ANKRD13B: variants seen among roughly 807,000 people sequenced by gnomAD.
ANKRD13B encodes the protein ankyrin repeat domain 13B.
In ANKRD13B, 33 loss-of-function variants were observed where a neutral mutation model predicts 74.4. That is an observed-to-expected ratio of 0.44 (90% confidence interval 0.34 to 0.59). The LOEUF (loss-of-function observed/expected upper bound fraction) is 0.59. Among genes scored for constraint, ANKRD13B ranks in the 20% least tolerant of loss-of-function variants. The pLI is 0.02. For synonymous variants in ANKRD13B, 341 were observed against 362.9 expected (o/e 0.94, Z 0.68); for missense variants, 676 against 877.9 (o/e 0.77, Z 2.91).
Position 29,607,788 on chromosome 17 carries a change from T to A in ANKRD13B, c.161T>A (p.Leu54Gln). ...LDPRGRTPLH[L>Q]ATTLGHLECA... is the part of the protein sequence containing the mutation. ...CCCCGCGGCCGGACTCCCCTGCACC[T>A]GGCCACCACGCTGGGGCACCTTGAG... Residue 54 changes from leucine to glutamine, a missense_variant, in exon 2 of 15, where the codon CTG (leucine) becomes CAG (glutamine). Physicochemically the swap from Leu to Gln is moderately radical, Grantham distance 113. This residue lies in a region of ANKRD13B where 88 missense variants were observed against 87.8 expected (regional missense o/e 1.00). Transcript: ENST00000394859. The A allele has an allele frequency of 6.2e-7, 1 of 1,603,144 alleles. No individual in the cohort carries two copies. The highest frequency in any genetic ancestry group is 8.5e-7 in the Non-Finnish European group (1 of 1,179,812).
chr17:29,601,891 G>T (rs939599764), intron 1 of ANKRD13B, among the ~76,000 whole-genome samples: 1 of 152,066 alleles, frequency 6.6e-6, no homozygotes, highest in Non-Finnish European at 1.5e-5. Flanking sequence ...AGTATTTCCT[G>T]TATCTGTTCT....
intron 1 of ANKRD13B, among the ~76,000 whole-genome samples, chr17:29,597,391 C>T (rs1030132713): frequency 2.6e-5 from 4 of 152,094 alleles, no homozygotes; most frequent in Admixed American, 2.6e-4. Flanking sequence ...TACCTATGAG[C>T]GTACGAGTGT....
At position 29,608,631 on chromosome 17, in the gene ANKRD13B, C is replaced by T. The variant is rs1347039852; in HGVS notation, c.422-220C>T. 1 of 613,648 alleles carries T rather than the reference C, an allele frequency of 1.6e-6. No individual in the cohort carries two copies. The highest frequency in any genetic ancestry group is 2.8e-5 in the East Asian group (1 of 35,738). 38.0% of individuals were successfully genotyped at this position (613,648 alleles called of 1,614,324 possible). On this transcript the variant is annotated intron_variant, in intron 4 of 14. Coordinates refer to ENST00000394859, the MANE Select transcript of ANKRD13B (RefSeq NM_152345.5). The surrounding 1 kb of genome is among the most constrained non-coding windows in gnomAD (Gnocchi z 6.4). ...ATTAACAAATGATGGACACTAGGGA[C>T]TTAGTGGTGACAGAAACATGCCCGT...
At chr17:29,600,617 G>A (rs777665761) in intron 1 of ANKRD13B, among the ~76,000 whole-genome samples, 11 of 152,216 alleles carry the variant, frequency 7.2e-5, no homozygotes, top group Non-Finnish European at 1.2e-4. Flanking sequence ...TAATGAGGCT[G>A]GGAAGGGGAC....
At chr17:29,595,605 G>A (rs1310994572) in intron 1 of ANKRD13B, among the ~76,000 whole-genome samples, 1 of 152,130 alleles carries the variant, frequency 6.6e-6, no homozygotes, top group Admixed American at 6.5e-5. Context: ...TAGAGGTGTT[G>A]GGGGCTGCTC....
intron 8 of ANKRD13B, 32 bp downstream of exon 8, chr17:29,610,798 T>C: frequency 1.2e-6 from 2 of 1,607,394 alleles, no homozygotes; most frequent in Non-Finnish European, 1.7e-6. Context: ...GGGAGAGGTG[T>C]TGCAGGACTG....
Position 29,607,724 on chromosome 17 carries a change from C to T in ANKRD13B, c.115-18C>T. On this transcript the variant is annotated intron_variant, in intron 1 of 14. Transcript: ENST00000394859. Reference sequence around the variant, plus strand: ...GACGTGACTGGGGCTTTATCTTCCACTCCTCCTCCTCCTCCAGGTGGACAT... The same window carrying T: ...GACGTGACTGGGGCTTTATCTTCCATTCCTCCTCCTCCTCCAGGTGGACAT... The T allele has an allele frequency of 6.4e-7, 1 of 1,569,166 alleles. No homozygotes were observed. The highest frequency in any genetic ancestry group is 8.6e-7 in the Non-Finnish European group (1 of 1,163,570).
intron 1 of ANKRD13B, among the ~76,000 whole-genome samples, chr17:29,606,601 A>G (rs1361659828): frequency 3.3e-5 from 5 of 151,776 alleles, no homozygotes; most frequent in Non-Finnish European, 7.4e-5. Flanking sequence ...TACGTTTAAC[A>G]AACATGCTTT....
rs762923291 is a variant in ANKRD13B at position 29,608,091 on chromosome 17, T to C, written c.356T>C (p.Leu119Pro). Reference sequence around the variant, plus strand: ...AAGCGGCTGGCGGGCATCCCCGTGCTCCTGGAGAAGCTGCGCAAGGTGAGG... The same window carrying C: ...AAGCGGCTGGCGGGCATCCCCGTGCCCCTGGAGAAGCTGCGCAAGGTGAGG... The part of the protein sequence containing the change: ...VVKRLAGIPV[L>P]LEKLRKAQDF... Residue 119 changes from leucine to proline, a missense_variant, in exon 3 of 15, where the codon CTC (leucine) becomes CCC (proline). By Grantham distance (98) the Leu-to-Pro change is moderately conservative (BLOSUM62 -3). This residue lies in a region of ANKRD13B where 328 missense variants were observed against 518.4 expected (regional missense o/e 0.63). Coordinates refer to ENST00000394859, the MANE Select transcript of ANKRD13B (RefSeq NM_152345.5). This position sits in a 1 kb window ranked among gnomAD's most constrained non-coding sequence, Gnocchi z 6.4. 6.2e-7 allele frequency: 1 copy of C among 1,613,046 alleles called. No individual in the cohort carries two copies. The highest frequency in any genetic ancestry group is 8.5e-7 in the Non-Finnish European group (1 of 1,179,646).
At chr17:29,595,090 T>C (rs1406781278) in intron 1 of ANKRD13B, among the ~76,000 whole-genome samples, 1 of 152,122 alleles carries the variant, frequency 6.6e-6, no homozygotes, top group African/African-American at 2.4e-5. Flanking sequence ...CAGACTGAAC[T>C]CCTCAGACCC....
chr17:29,614,222 TC>T lies in ANKRD13B; in HGVS notation c.*645del, dbSNP rs1325955962. ...TGGGCAGCCAGAAGTTGGAGTCCCATCCCCCAAGGCACATTTTTTTTTTTTT... is the reference window on the plus strand; with the variant it reads ...TGGGCAGCCAGAAGTTGGAGTCCCATCCCCAAGGCACATTTTTTTTTTTTT... On this transcript the variant is annotated 3_prime_UTR_variant, in exon 15 of 15. Coordinates refer to ENST00000394859, the MANE Select transcript of ANKRD13B (RefSeq NM_152345.5). The T allele has an allele frequency of 1.4e-5, 2 of 144,586 alleles. No individual in the cohort carries two copies. Among genetic ancestry groups the T allele is most frequent in the Admixed American group, 7.0e-5 (1 of 14,384 alleles). The allele number at this position is 144,586 out of a possible 1,614,324, so 9.0% of individuals were successfully genotyped here.
rs1341145085 is a variant in ANKRD13B, at chr17:29,612,092, C to T, written c.1101-24C>T. On this transcript the variant is annotated intron_variant, in intron 10 of 14. Coordinates refer to ENST00000394859, the MANE Select transcript of ANKRD13B (RefSeq NM_152345.5). The surrounding 1 kb of genome is among the most constrained non-coding windows in gnomAD (Gnocchi z 6.1). ...CCATGGCTTCCTGCAGTGTCCCTTA[C>T]CCCTTGGGATCTGGTGGGGGCAGGT... is the stretch of plus-strand genomic sequence containing the variant. 2.5e-6 allele frequency: 4 copies of T among 1,612,602 alleles called. No individual in the cohort carries two copies. The highest frequency in any genetic ancestry group is 2.2e-5 in the South Asian group (2 of 91,028).
intron 1 of ANKRD13B, among the ~76,000 whole-genome samples, chr17:29,606,766 T>C (rs1445595629): frequency 6.9e-6 from 1 of 144,080 alleles, no homozygotes; most frequent in South Asian, 2.2e-4. Context: ...AAAAATCTTT[T>C]GTCTGGGCAC....
In ANKRD13B at chr17:29,606,430, C is replaced by T. The variant is rs78918512; in HGVS notation, c.115-1312C>T. On this transcript the variant is annotated intron_variant, in intron 1 of 14. Transcript: ENST00000394859. Reference sequence around the variant, plus strand: ...AAAATTAGCCTGGCATAGTGGTGCTCGCCTGTAATCCCAGCTACTCAGAAG... The same window carrying T: ...AAAATTAGCCTGGCATAGTGGTGCTTGCCTGTAATCCCAGCTACTCAGAAG... 1.2e-4 allele frequency among the ~76,000 whole-genome samples: 18 copies of T among 151,542 alleles called. No individual in the cohort carries two copies. In the East Asian group the frequency reaches 2.8e-3, roughly 23 times the overall value.
chr17:29,599,897 T>G (rs1050185526), intron 1 of ANKRD13B, among the ~76,000 whole-genome samples: 4 of 126,606 alleles, frequency 3.2e-5, no homozygotes, highest in East Asian at 2.3e-4. Context: ...TTTTTTTTGA[T>G]ACGGAGTCTC....
In ANKRD13B at chr17:29,611,761, C is replaced by A; in HGVS notation, c.970-115C>A. ...GACCTCCTTTCCACAATGCCCAAGGCCATGTCAGCGCCACACTGGCAGAGG... is the reference window on the plus strand; with the variant it reads ...GACCTCCTTTCCACAATGCCCAAGGACATGTCAGCGCCACACTGGCAGAGG... On this transcript the variant is annotated intron_variant, in intron 9 of 14. Coordinates refer to ENST00000394859, the MANE Select transcript of ANKRD13B (RefSeq NM_152345.5). This position sits in a 1 kb window ranked among gnomAD's most constrained non-coding sequence, Gnocchi z 4.3. 6.4e-7 allele frequency: 1 copy of A among 1,570,448 alleles called. No homozygotes were observed. Among genetic ancestry groups the A allele is most frequent in the South Asian group, 1.1e-5 (1 of 87,316 alleles).
intron 1 of ANKRD13B, among the ~76,000 whole-genome samples, chr17:29,598,003 A>G (rs890180962): frequency 2.0e-5 from 3 of 151,440 alleles, no homozygotes; most frequent in Middle Eastern, 6.8e-3. Flanking sequence ...CGGCTGCAGC[A>G]TCTGGGGCAG....
At chr17:29,605,900 T>C (rs1223715326) in intron 1 of ANKRD13B, among the ~76,000 whole-genome samples, 1 of 152,052 alleles carries the variant, frequency 6.6e-6, no homozygotes, top group African/African-American at 2.4e-5. Flanking sequence ...GTTACATGCA[T>C]GTGGTCAGTT....
At position 29,611,269 on chromosome 17, in the gene ANKRD13B, C is replaced by T. The variant is rs951918581; in HGVS notation, c.905-310C>T. On this transcript the variant is annotated intron_variant, in intron 8 of 14. Coordinates refer to ENST00000394859, the MANE Select transcript of ANKRD13B (RefSeq NM_152345.5). This position sits in a 1 kb window ranked among gnomAD's most constrained non-coding sequence, Gnocchi z 4.3. The stretch of plus-strand genomic sequence containing the variant: ...AAACACACACACGCACATGCACACC[C>T]CACAGTGCCTGCCGGGGCAGGCGTT... Among the ~76,000 whole-genome samples, 1 of 152,228 alleles carries T rather than the reference C, an allele frequency of 6.6e-6. No individual in the cohort carries two copies. The highest frequency in any genetic ancestry group is 1.5e-5 in the Non-Finnish European group (1 of 68,042).
Sources: allele counts gnomAD v4.1 joint callset (sites outside exome capture counted in the v4.1 genomes callset), GRCh38; gene constraint gnomAD v4.1.1; regional missense constraint gnomAD v4.1.1; non-coding constraint Gnocchi (gnomAD v3.1); transcripts MANE v1.5; gene names NCBI Gene and HGNC (gene_info 2026-07-23, HGNC 2026-07-21).